The following PLAC1 variants were observed in gnomAD, a reference collection of about 807,000 sequenced individuals.
PLAC1 encodes the protein placenta-specific protein 1.
For missense variants in PLAC1, 136 were observed against 163.2 expected (o/e 0.83, Z 0.91); for synonymous variants, 68 against 62.1 (o/e 1.09, Z -0.44).
At chrX:134,736,168 C>G (rs747659864) in intron 1 of PLAC1, among the ~76,000 whole-genome samples, 1 of 109,589 alleles carries the variant, frequency 9.1e-6, no homozygotes, top group East Asian at 2.9e-4. Flanking sequence ...CCCAGCTACT[C>G]GGCAGGCTGA....
intron 2 of PLAC1, among the ~76,000 whole-genome samples, chrX:134,567,437 C>T (rs780190536): frequency 1.8e-5 from 2 of 111,404 alleles, no homozygotes; most frequent in Non-Finnish European, 3.8e-5. Context: ...TTTTTCAATG[C>T]ATATTACACA....
chrX:134,761,982 C>T (rs775686546), intron 1 of PLAC1, among the ~76,000 whole-genome samples: 1 of 111,627 alleles, frequency 9.0e-6, no homozygotes, highest in Non-Finnish European at 1.9e-5. Flanking sequence ...ACTTTTGAAG[C>T]GCCCTCTAAT....
intron 1 of PLAC1, among the ~76,000 whole-genome samples, chrX:134,756,742 A>G (rs1602954046): frequency 9.2e-6 from 1 of 109,154 alleles, no homozygotes; most frequent in African/African-American, 3.3e-5. Flanking sequence ...CCAGCTACTC[A>G]GGAGGCTGAG....
intron 2 of PLAC1, among the ~76,000 whole-genome samples, chrX:134,729,590 T>TATA (rs1307772043): frequency 9.1e-6 from 1 of 110,491 alleles, no homozygotes; most frequent in African/African-American, 3.3e-5. Flanking sequence ...GAGCCAGGAG[T>TATA]ATGATTTCAG....
At chrX:134,722,894 C>A (rs2078662434) in intron 2 of PLAC1, among the ~76,000 whole-genome samples, 1 of 108,493 alleles carries the variant, frequency 9.2e-6, no homozygotes, top group African/African-American at 3.4e-5. Context: ...GCATACAGTC[C>A]AAGCTACTCA....
chrX:134,754,787 A>G (rs1464274757), intron 1 of PLAC1, among the ~76,000 whole-genome samples: 2 of 65,764 alleles, frequency 3.0e-5, no homozygotes, highest in Non-Finnish European at 5.5e-5. Flanking sequence ...TTTGGTGCCT[A>G]CAATGCATTT....
chrX:134,660,910 TG>T (rs1246055819), upstream of PLAC1, among the ~76,000 whole-genome samples: 3 of 111,802 alleles, frequency 2.7e-5, no homozygotes, highest in East Asian at 8.4e-4. Context: ...AGCACCAAGT[TG>T]TTTATATAAA....
intron 2 of PLAC1, among the ~76,000 whole-genome samples, chrX:134,681,831 A>C (rs1241722449): frequency 9.0e-6 from 1 of 111,719 alleles, no homozygotes; most frequent in Non-Finnish European, 1.9e-5. Context: ...CCAAGACACC[A>C]TGGAAAAATA....
At chrX:134,654,705 T>C (rs1438889190) in intron 1 of PLAC1, among the ~76,000 whole-genome samples, 1 of 112,198 alleles carries the variant, frequency 8.9e-6, no homozygotes, top group African/African-American at 3.2e-5. Flanking sequence ...ACCTAGGCCT[T>C]CTTAACACCT....
intron 2 of PLAC1, among the ~76,000 whole-genome samples, chrX:134,596,585 TC>T (rs2078063193): frequency 1.8e-5 from 2 of 112,086 alleles, no homozygotes; most frequent in African/African-American, 3.2e-5. Context: ...AGTTTCTCTG[TC>T]AAATTATTGT....
At chrX:134,704,258 C>A (rs754951298) in intron 2 of PLAC1, among the ~76,000 whole-genome samples, 60 of 109,204 alleles carry the variant, frequency 5.5e-4, no homozygotes, top group Non-Finnish European at 1.0e-3. Flanking sequence ...CTTCAGGAGG[C>A]TGAGGTCGGC....
chrX:134,646,990 A>G (rs1308927540), intron 1 of PLAC1, among the ~76,000 whole-genome samples: 1 of 111,956 alleles, frequency 8.9e-6, no homozygotes, highest in Non-Finnish European at 1.9e-5. Context: ...GGGCATGCAT[A>G]CGTACCTCCT....
chrX:134,616,102 C>T (rs924721313), intron 1 of PLAC1, among the ~76,000 whole-genome samples: 1 of 110,772 alleles, frequency 9.0e-6, no homozygotes, highest in Non-Finnish European at 1.9e-5. Context: ...ACCTCAGCTT[C>T]CCTGGTAGCT....
intron 1 of PLAC1, among the ~76,000 whole-genome samples, chrX:134,649,047 T>A (rs770954786): frequency 1.6e-4 from 18 of 111,062 alleles, no homozygotes; most frequent in Non-Finnish European, 2.8e-4. Flanking sequence ...GGTAGGTGGA[T>A]CATGAGGTCA....
intron 1 of PLAC1, among the ~76,000 whole-genome samples, chrX:134,735,658 A>AAG (rs369034725): frequency 0.042 from 4,495 of 105,792 alleles, 76 homozygotes; most frequent in African/African-American, 0.06. Context: ...AAGAGAGAGG[A>AAG]AGAGAGAGAG....
At chrX:134,691,201 G>A (rs1423879941) in intron 2 of PLAC1, among the ~76,000 whole-genome samples, 1 of 103,575 alleles carries the variant, frequency 9.7e-6, no homozygotes, top group Non-Finnish European at 2.0e-5. Flanking sequence ...TCTGATACAT[G>A]TGGAGAAGCT....
chrX:134,632,480 G>A (rs889832756), intron 1 of PLAC1, among the ~76,000 whole-genome samples: 2 of 110,825 alleles, frequency 1.8e-5, no homozygotes, highest in Non-Finnish European at 3.8e-5. Context: ...TGTCACCATC[G>A]CTACTGCTTT....
At chrX:134,735,431 A>G (rs2078700265) in intron 1 of PLAC1, among the ~76,000 whole-genome samples, 1 of 107,786 alleles carries the variant, frequency 9.3e-6, no homozygotes, top group Non-Finnish European at 1.9e-5. Flanking sequence ...AGATTTGTTA[A>G]AAAAAAAAAG....
At chrX:134,676,096 C>T (rs1458271649) in intron 2 of PLAC1, among the ~76,000 whole-genome samples, 1 of 112,190 alleles carries the variant, frequency 8.9e-6, no homozygotes, top group African/African-American at 3.2e-5. Context: ...AGGGTGAACT[C>T]GTACAGTCAT....
Sources: allele counts gnomAD v4.1 joint callset (sites outside exome capture counted in the v4.1 genomes callset), GRCh38; gene constraint gnomAD v4.1.1; transcripts MANE v1.5; gene names NCBI Gene and HGNC (gene_info 2026-07-23, HGNC 2026-07-21).